The following RALGPS1 variants were observed in gnomAD, a reference collection of about 807,000 sequenced individuals.
RALGPS1 encodes the protein Ral GEF with PH domain and SH3 binding motif 1.
In RALGPS1, 19 loss-of-function variants were observed where a neutral mutation model predicts 78.8. The ratio of observed to expected loss-of-function variants is 0.24; its 90% CI spans 0.17 to 0.35. The LOEUF is 0.35. Ranked by LOEUF, RALGPS1 falls within the 10% of genes least tolerant of loss-of-function variation. RALGPS1 has a pLI of 1.00. For synonymous variants in RALGPS1, 228 were observed against 256.3 expected, an observed-to-expected ratio of 0.89 and a Z score of 1.06; for missense variants, 454 against 688.3, an observed-to-expected ratio of 0.66 and a Z score of 3.81.
intron 3 of RALGPS1, among the ~76,000 whole-genome samples, chr9:126,971,596 CACAA>C (rs1220177848): frequency 4.6e-5 from 7 of 152,124 alleles, no homozygotes; most frequent in Non-Finnish European, 7.4e-5. Context: ...GTATAAAGGA[CACAA>C]ACAAACTGTT....
intron 8 of RALGPS1, chr9:127,108,431 G>A (rs749537656): frequency 4.4e-6 from 7 of 1,607,866 alleles, no homozygotes; most frequent in East Asian, 2.2e-5. Flanking sequence ...TCGATCTGCC[G>A]CTTCTGCTTG....
chr9:127,184,136 G>C (rs1250341062), intron 11 of RALGPS1: 1 of 1,253,744 alleles, frequency 8.0e-7, no homozygotes, highest in Non-Finnish European at 1.1e-6. Context: ...GACCAGCCTG[G>C]GCAACATGGC....
At chr9:127,052,172 C>A (rs2048352192) in intron 6 of RALGPS1, among the ~76,000 whole-genome samples, 1 of 152,174 alleles carries the variant, frequency 6.6e-6, no homozygotes, top group Non-Finnish European at 1.5e-5. Context: ...GCCTAATAAC[C>A]CAAACTTCAT....
chr9:126,997,822 A>T (rs994882782), intron 4 of RALGPS1, among the ~76,000 whole-genome samples: 7 of 152,162 alleles, frequency 4.6e-5, no homozygotes, highest in African/African-American at 1.2e-4. Context: ...CAAAACAGAG[A>T]TATGGACCAA....
intron 4 of RALGPS1, among the ~76,000 whole-genome samples, chr9:126,992,439 T>G (rs1408727485): frequency 6.6e-6 from 1 of 152,222 alleles, no homozygotes; most frequent in Non-Finnish European, 1.5e-5. Context: ...TTCTTGAAAT[T>G]AGGTAGTGTA....
intron 8 of RALGPS1, among the ~76,000 whole-genome samples, chr9:127,119,798 A>G (rs2055854222): frequency 6.6e-6 from 1 of 152,138 alleles, no homozygotes; most frequent in African/African-American, 2.4e-5. Context: ...CATTAGTAGT[A>G]AGTAGTCCCA....
At chr9:127,043,987 A>C (rs185090383) in intron 5 of RALGPS1, among the ~76,000 whole-genome samples, 20 of 152,356 alleles carry the variant, frequency 1.3e-4, no homozygotes, top group Admixed American at 6.5e-4. Context: ...TGCTGGTGGG[A>C]ATGTGAAATG....
chr9:126,946,512 T>G, intron 1 of RALGPS1, among the ~76,000 whole-genome samples: 1 of 115,624 alleles, frequency 8.6e-6, no homozygotes, highest in Admixed American at 1.3e-4. Context: ...CCAGCCTGGG[T>G]GAGGGAGCAA....
intron 1 of RALGPS1, among the ~76,000 whole-genome samples, chr9:126,936,843 C>T (rs567175647): frequency 1.4e-5 from 2 of 147,918 alleles, no homozygotes; most frequent in African/African-American, 2.4e-5. Context: ...GGAACAGGAA[C>T]GGCACCTTTT....
intron 8 of RALGPS1, among the ~76,000 whole-genome samples, chr9:127,116,115 T>G (rs753776968): frequency 2.0e-5 from 3 of 152,110 alleles, no homozygotes; most frequent in African/African-American, 7.2e-5. Flanking sequence ...CAGCTAGCCA[T>G]TGTGCATTGC....
chr9:126,943,732 C>T (rs186951729), intron 1 of RALGPS1, among the ~76,000 whole-genome samples: 1 of 152,284 alleles, frequency 6.6e-6, no homozygotes, highest in African/African-American at 2.4e-5. Context: ...GCCTGGACTG[C>T]TTTCACTGCC....
intron 1 of RALGPS1, among the ~76,000 whole-genome samples, chr9:126,920,732 A>C (rs188161293): frequency 5.5e-4 from 84 of 152,306 alleles, no homozygotes; most frequent in African/African-American, 2.0e-3. Flanking sequence ...CAACCTTGTA[A>C]TGGATGCTGG....
intron 8 of RALGPS1, among the ~76,000 whole-genome samples, chr9:127,103,955 G>A (rs1589492908): frequency 6.6e-6 from 1 of 152,156 alleles, no homozygotes; most frequent in African/African-American, 2.4e-5. Context: ...CCACTTACTA[G>A]CTGTGTACCC....
At chr9:126,990,074 A>C in intron 4 of RALGPS1, 1 of 1,515,612 alleles carries the variant, frequency 6.6e-7, no homozygotes, top group Non-Finnish European at 8.9e-7. Flanking sequence ...GCCGAGGTCA[A>C]TGTTGGACGT....
At chr9:127,128,800 A>G (rs1178629901) in intron 8 of RALGPS1, among the ~76,000 whole-genome samples, 1 of 152,202 alleles carries the variant, frequency 6.6e-6, no homozygotes, top group African/African-American at 2.4e-5. Flanking sequence ...GGACGATTCT[A>G]AGGTGGTGCT....
intron 8 of RALGPS1, among the ~76,000 whole-genome samples, chr9:127,100,047 GT>G: frequency 6.6e-6 from 1 of 152,308 alleles, no homozygotes; most frequent in South Asian, 2.1e-4. Flanking sequence ...ATCTTGTCAA[GT>G]TCATTAATTG....
chr9:127,044,922 G>C (rs1408488412), intron 5 of RALGPS1, among the ~76,000 whole-genome samples: 2 of 152,110 alleles, frequency 1.3e-5, no homozygotes, highest in Non-Finnish European at 2.9e-5. Context: ...AAATGTTCTT[G>C]CTAGCATAAA....
chr9:127,185,795 G>C (rs1220967945), intron 11 of RALGPS1, among the ~76,000 whole-genome samples: 1 of 152,162 alleles, frequency 6.6e-6, no homozygotes, highest in Non-Finnish European at 1.5e-5. Context: ...TTCTAATCCA[G>C]TGTAGTATCT....
chr9:127,208,916 G>A (rs916039332), intron 14 of RALGPS1, among the ~76,000 whole-genome samples: 5 of 152,204 alleles, frequency 3.3e-5, no homozygotes, highest in Admixed American at 1.3e-4. Flanking sequence ...CAGGTACTGT[G>A]GGAATTCCGG....
Sources: allele counts gnomAD v4.1 joint callset (sites outside exome capture counted in the v4.1 genomes callset), GRCh38; gene constraint gnomAD v4.1.1; transcripts MANE v1.5; gene names NCBI Gene and HGNC (gene_info 2026-07-23, HGNC 2026-07-21).